GRID2: variants seen among roughly 807,000 people sequenced by gnomAD.
The protein encoded by GRID2 is glutamate ionotropic receptor delta type subunit 2.
Under a neutral mutation model 114.8 loss-of-function variants are expected in GRID2, and 33 were observed. The ratio of observed to expected loss-of-function variants is 0.29; its 90% CI spans 0.22 to 0.38. GRID2 has a LOEUF of 0.38. Ranked by LOEUF, GRID2 falls within the 10% of genes least tolerant of loss-of-function variation. The pLI is 1.00. For missense variants in GRID2, 1,184 were observed against 1,257.7 expected (o/e 0.94, Z 0.89); for synonymous variants, 505 against 449.9 (o/e 1.12, Z -1.55).
intron 2 of GRID2, among the ~76,000 whole-genome samples, chr4:92,742,495 T>C (rs1736942113): frequency 6.6e-6 from 1 of 152,156 alleles, no homozygotes; most frequent in East Asian, 1.9e-4. Context: ...TTAATCTCTA[T>C]GCATTTTTCT....
chr4:93,437,763 G>T (rs1280208122), intron 10 of GRID2, among the ~76,000 whole-genome samples: 1 of 152,018 alleles, frequency 6.6e-6, no homozygotes, highest in Admixed American at 6.6e-5. Flanking sequence ...TGCCTAGACT[G>T]CCTGTACTCA....
At chr4:93,314,825 A>G (rs530567461) in intron 8 of GRID2, among the ~76,000 whole-genome samples, 1 of 152,156 alleles carries the variant, frequency 6.6e-6, no homozygotes, top group South Asian at 2.1e-4. Flanking sequence ...CACATCTATC[A>G]TCTCACCTAT....
exon 2 of GRID2, chr4:93,807,940 C>T (rs1735064107): frequency 6.6e-6 from 1 of 151,884 alleles, no homozygotes; most frequent in Admixed American, 6.6e-5. Context: ...CTAACAATGG[C>T]CATAAGTATT....
chr4:92,838,676 T>G (rs1742652569), intron 2 of GRID2: 4 of 152,068 alleles, frequency 2.6e-5, no homozygotes, highest in African/African-American at 9.7e-5. Context: ...ATGGAGAAAA[T>G]GACATGGAAG....
At chr4:93,041,891 T>A (rs1355594402) in intron 2 of GRID2, among the ~76,000 whole-genome samples, 1 of 151,964 alleles carries the variant, frequency 6.6e-6, no homozygotes, top group South Asian at 2.1e-4. Context: ...CATATATATT[T>A]TGTTGTTGTT....
intron 2 of GRID2, among the ~76,000 whole-genome samples, chr4:93,060,332 G>A (rs781461531): frequency 6.6e-6 from 1 of 152,046 alleles, no homozygotes; most frequent in Non-Finnish European, 1.5e-5. Context: ...ATTCTCCTCC[G>A]GGTCCTCCCA....
intron 1 of GRID2, among the ~76,000 whole-genome samples, chr4:93,783,798 C>T (rs1464364026): frequency 6.6e-6 from 1 of 152,058 alleles, no homozygotes; most frequent in African/African-American, 2.4e-5. Flanking sequence ...CTTGGCCGGG[C>T]GCGGTGGCTC....
chr4:93,010,754 A>G (rs1007643894), intron 2 of GRID2, among the ~76,000 whole-genome samples: 2 of 152,150 alleles, frequency 1.3e-5, no homozygotes, highest in Non-Finnish European at 2.9e-5. Context: ...TTTCTAGAAC[A>G]TATTTAAGAA....
At chr4:93,288,545 G>C (rs1274561197) in intron 8 of GRID2, among the ~76,000 whole-genome samples, 1 of 152,094 alleles carries the variant, frequency 6.6e-6, no homozygotes, top group African/African-American at 2.4e-5. Flanking sequence ...ACTGCCTCAG[G>C]TGCTCCATCT....
At chr4:93,327,655 G>T (rs1056869199) in intron 8 of GRID2, among the ~76,000 whole-genome samples, 3 of 151,716 alleles carry the variant, frequency 2.0e-5, no homozygotes, top group Admixed American at 6.6e-5. Context: ...TATAAATACT[G>T]CATGTTCTCA....
chr4:92,419,815 A>T (rs1051769306), intron 1 of GRID2, among the ~76,000 whole-genome samples: 1 of 152,100 alleles, frequency 6.6e-6, no homozygotes, highest in African/African-American at 2.4e-5. Flanking sequence ...AAATTCTAGG[A>T]CATTTATTTC....
At chr4:92,751,254 G>A (rs922546608) in intron 2 of GRID2, among the ~76,000 whole-genome samples, 9 of 151,980 alleles carry the variant, frequency 5.9e-5, no homozygotes, top group East Asian at 3.9e-4. Flanking sequence ...AAAAAGATAC[G>A]TAGATTAAAA....
chr4:92,760,253 A>G (rs1379427574), intron 2 of GRID2, among the ~76,000 whole-genome samples: 4 of 151,232 alleles, frequency 2.6e-5, no homozygotes, highest in Admixed American at 2.0e-4. Flanking sequence ...AAAAAAAAAA[A>G]AAAAAAAAGA....
chr4:92,707,120 TAA>T (rs1442965315), intron 2 of GRID2, among the ~76,000 whole-genome samples: 1 of 152,160 alleles, frequency 6.6e-6, no homozygotes, highest in Non-Finnish European at 1.5e-5. Flanking sequence ...AAAAATCAGC[TAA>T]GTTACATGTC....
intron 2 of GRID2, among the ~76,000 whole-genome samples, chr4:92,637,082 ATAAT>A (rs1169155233): frequency 3.3e-5 from 5 of 151,924 alleles, no homozygotes; most frequent in Non-Finnish European, 5.9e-5. Flanking sequence ...ATTTTTCAAA[ATAAT>A]TCTTTAATAT....
intron 13 of GRID2, among the ~76,000 whole-genome samples, chr4:93,604,958 T>C (rs1051829850): frequency 1.3e-5 from 2 of 152,224 alleles, no homozygotes; most frequent in African/African-American, 4.8e-5. Context: ...TTCACTTTAT[T>C]GCAATATTTG....
At chr4:92,402,982 C>T (rs539567872) in intron 1 of GRID2, among the ~76,000 whole-genome samples, 2 of 152,264 alleles carry the variant, frequency 1.3e-5, no homozygotes, top group Non-Finnish European at 2.9e-5. Flanking sequence ...CATAACTTGC[C>T]GCAGCTTCTA....
At chr4:93,179,712 C>T (rs536862834) in intron 4 of GRID2, among the ~76,000 whole-genome samples, 47 of 152,082 alleles carry the variant, frequency 3.1e-4, no homozygotes, top group Non-Finnish European at 5.6e-4. Context: ...GAATTTGAAG[C>T]TTGGAAGAAT....
At chr4:92,952,973 T>C (rs1310575492) in intron 2 of GRID2, among the ~76,000 whole-genome samples, 1 of 152,102 alleles carries the variant, frequency 6.6e-6, no homozygotes, top group Non-Finnish European at 1.5e-5. Context: ...CTTCTGGTGA[T>C]GGTCATCAAC....
Sources: allele counts gnomAD v4.1 joint callset (sites outside exome capture counted in the v4.1 genomes callset), GRCh38; gene constraint gnomAD v4.1.1; transcripts MANE v1.5; gene names NCBI Gene and HGNC (gene_info 2026-07-23, HGNC 2026-07-21).